The following HSD17B2 variants were observed in gnomAD, a reference collection of about 807,000 sequenced individuals.
HSD17B2 encodes 17-beta-hydroxysteroid dehydrogenase type 2.
Under a neutral mutation model 26.9 loss-of-function variants are expected in HSD17B2, and 32 were observed. The ratio of observed to expected loss-of-function variants is 1.19; its 90% CI spans 0.90 to 1.60. The LOEUF (loss-of-function observed/expected upper bound fraction) is 1.60. HSD17B2 is among the 40% of genes most tolerant of loss of function. The pLI is 0.00. For synonymous variants in HSD17B2, 246 were observed against 186.7 expected, an observed-to-expected ratio of 1.32 and a Z score of -2.59; for missense variants, 613 against 468.6, an observed-to-expected ratio of 1.31 and a Z score of -2.85.
chr16:82,092,717 C>T (rs1356338753), intron 4 of HSD17B2: 1 of 152,150 alleles, frequency 6.6e-6, no homozygotes, highest in East Asian at 1.9e-4. Context: ...TTGGGGACTC[C>T]CTGGGTTGGG....
rs1339834365 is a variant in HSD17B2, at chr16:82,068,241, G to A, written c.337G>A (p.Val113Ile). Reference protein sequence around the residue: ...DELGFTVFAGVLNENGPGAEE... With the variant: ...DELGFTVFAGILNENGPGAEE... ...GCTGGGCTTCACGGTATTTGCCGGA[G>A]TTTTGAATGAAAATGGCCCAGGAGC... is the stretch of plus-strand genomic sequence containing the variant. Residue 113 changes from valine (V) to isoleucine (I), a missense_variant, in exon 2 of 5, where the codon GTT becomes ATT. Transcript: ENST00000199936. 4 of 1,614,060 alleles carry A rather than the reference G, an allele frequency of 2.5e-6. No individual in the cohort carries two copies. The highest frequency in any genetic ancestry group is 2.2e-5 in the East Asian group (1 of 44,854).
At chr16:82,078,951 T>C (rs1904320080) in intron 3 of HSD17B2, among the ~76,000 whole-genome samples, 1 of 152,232 alleles carries the variant, frequency 6.6e-6, no homozygotes, top group African/African-American at 2.4e-5. Flanking sequence ...GAATAAGATG[T>C]ACTATTTGAT....
In HSD17B2 at chr16:82,098,511, A is replaced by C; in HGVS notation, c.*75A>C. 259 of 1,469,458 alleles carry C rather than the reference A, an allele frequency of 1.8e-4. No homozygotes were observed. The highest frequency in any genetic ancestry group is 2.2e-4 in the Non-Finnish European group (241 of 1,099,684). The allele number at this position is 1,469,458 out of a possible 1,614,324, so 91.0% of individuals were successfully genotyped here. A position where few individuals can be genotyped will look rare whatever the true frequency, so the allele number is the denominator to read the frequency against. On this transcript the variant is annotated 3_prime_UTR_variant, in exon 5 of 5. Transcript: ENST00000199936. ...GGGAAACTGGGAAACTGGGTTTCTCATTAAAGTTGTTTCCCACTCTGTATT... is the reference window on the plus strand; with the variant it reads ...GGGAAACTGGGAAACTGGGTTTCTCCTTAAAGTTGTTTCCCACTCTGTATT...
In HSD17B2 at chr16:82,035,481, A is replaced by T. The variant is rs1172793471; in HGVS notation, c.57A>T (p.Leu19=). The T allele has an allele frequency of 2.5e-6, 4 of 1,613,168 alleles. No individual in the cohort carries two copies. The highest frequency in any genetic ancestry group is 3.4e-6 in the Non-Finnish European group (4 of 1,179,370). Residue 19 remains leucine, a synonymous_variant, in exon 1 of 5, where the codon CTA becomes CTT. Coordinates refer to ENST00000199936, the MANE Select transcript of HSD17B2 (RefSeq NM_002153.3). The stretch of plus-strand genomic sequence containing the variant: ...TCTGCCTGGCTGTCCCCACAGTACT[A>T]TGTGGGACAGTATTTTGCAAATACA... The part of the protein sequence containing the change: ...AWICLAVPTV[L]CGTVFCKYKK...
chr16:82,072,736 G>T (rs1321350556), intron 3 of HSD17B2, among the ~76,000 whole-genome samples: 1 of 152,138 alleles, frequency 6.6e-6, no homozygotes, highest in African/African-American at 2.4e-5. Flanking sequence ...AATGGAAAAT[G>T]GATTAATGAA....
intron 4 of HSD17B2, chr16:82,096,309 C>T (rs1030708544): frequency 6.6e-6 from 1 of 152,156 alleles, no homozygotes; most frequent in Admixed American, 6.5e-5. Context: ...GTAACCTCTG[C>T]CTCCTGGGTT....
intron 1 of HSD17B2, 57 bp from the exon 2 acceptor site, chr16:82,068,113 T>C: frequency 3.6e-6 from 5 of 1,407,998 alleles, no homozygotes; most frequent in Non-Finnish European, 5.0e-6. Context: ...CCTTGTTAAA[T>C]ATTTTCTCCT....
intron 1 of HSD17B2, among the ~76,000 whole-genome samples, chr16:82,048,250 T>C (rs549508150): frequency 4.6e-5 from 7 of 152,158 alleles, no homozygotes; most frequent in Non-Finnish European, 8.8e-5. Context: ...ACCTATAGGA[T>C]AGGAGGTGGA....
At chr16:82,072,443 C>T (rs1597132644) in intron 3 of HSD17B2, among the ~76,000 whole-genome samples, 1 of 152,178 alleles carries the variant, frequency 6.6e-6, no homozygotes, top group African/African-American at 2.4e-5. Context: ...TTTCTCATTT[C>T]CCTGGAATAG....
chr16:82,044,153 G>C (rs533988852), intron 1 of HSD17B2, among the ~76,000 whole-genome samples: 3 of 152,136 alleles, frequency 2.0e-5, no homozygotes, highest in Non-Finnish European at 4.4e-5. Context: ...TGTTGACTCA[G>C]AGTTAATATC....
At chr16:82,052,758 G>A (rs1031125162) in intron 1 of HSD17B2, among the ~76,000 whole-genome samples, 28 of 152,210 alleles carry the variant, frequency 1.8e-4, no homozygotes, top group Non-Finnish European at 2.9e-5. Context: ...ATCACATGTA[G>A]TAGGAGACAG....
intron 1 of HSD17B2, among the ~76,000 whole-genome samples, chr16:82,060,613 A>G (rs1228985360): frequency 6.6e-6 from 1 of 152,244 alleles, no homozygotes; most frequent in Non-Finnish European, 1.5e-5. Flanking sequence ...GCCTATTCAG[A>G]TCACATCCTT....
intron 3 of HSD17B2, among the ~76,000 whole-genome samples, chr16:82,077,591 A>T (rs1216615121): frequency 6.6e-6 from 1 of 152,074 alleles, no homozygotes; most frequent in Non-Finnish European, 1.5e-5. Flanking sequence ...TTAGCCAGGC[A>T]TGGTGGCATG....
chr16:82,070,866 G>T, intron 2 of HSD17B2, 76 bp from the exon 3 acceptor site: 1 of 1,370,160 alleles, frequency 7.3e-7, no homozygotes, highest in Non-Finnish European at 1.0e-6. Flanking sequence ...CCTCTTGCAT[G>T]GTCTTCCAGG....
At chr16:82,065,285 G>A (rs1362775322) in intron 1 of HSD17B2, among the ~76,000 whole-genome samples, 1 of 152,188 alleles carries the variant, frequency 6.6e-6, no homozygotes, top group African/African-American at 2.4e-5. Context: ...CTAAGTGGGT[G>A]GATGACCCCT....
intron 1 of HSD17B2, 33 bp from the exon 2 acceptor site, chr16:82,068,137 G>A: frequency 6.3e-7 from 1 of 1,578,092 alleles, no homozygotes; most frequent in Non-Finnish European, 8.7e-7. Context: ...ACTCTGGTTT[G>A]ACCTCACTCC....
intron 3 of HSD17B2, among the ~76,000 whole-genome samples, chr16:82,075,710 C>A (rs188203573): frequency 6.6e-6 from 1 of 151,934 alleles, no homozygotes; most frequent in Non-Finnish European, 1.5e-5. Flanking sequence ...GTAACGAGTT[C>A]GAAGCAGTAG....
chr16:82,078,482 G>C (rs1904315236), intron 3 of HSD17B2, among the ~76,000 whole-genome samples: 1 of 152,102 alleles, frequency 6.6e-6, no homozygotes, highest in African/African-American at 2.4e-5. Flanking sequence ...TCTAAAAATA[G>C]AGCCACCATA....
chr16:82,083,160 C>G (rs1035232679), intron 3 of HSD17B2, among the ~76,000 whole-genome samples: 2 of 152,218 alleles, frequency 1.3e-5, no homozygotes, highest in Non-Finnish European at 2.9e-5. Context: ...CTTCTAAATA[C>G]ACTCCTACGG....
Sources: gnomAD v4.1 joint callset for allele counts (sites outside exome capture counted in the v4.1 genomes callset) on GRCh38, gnomAD v4.1.1 for gene constraint, MANE v1.5 for transcripts, NCBI Gene and HGNC (gene_info 2026-07-23, HGNC 2026-07-21) for gene names.